The following SCN8A variants were observed in gnomAD, a reference collection of about 807,000 sequenced individuals.
SCN8A encodes the protein sodium channel protein type 8 subunit alpha.
A neutral mutation model predicts 184.1 loss-of-function variants in SCN8A; 30 were observed. The ratio of observed to expected loss-of-function variants is 0.16; its 90% confidence interval spans 0.12 to 0.22. SCN8A has a LOEUF of 0.22. Ranked by LOEUF, SCN8A falls within the 10% of genes least tolerant of loss-of-function variation. The probability of loss-of-function intolerance (pLI) is 1.00; values close to 1 mark genes in which losing one functional copy is unlikely to be tolerated. For missense variants in SCN8A, 1,057 were observed against 2,498.9 expected (o/e 0.42, Z 12.30); for synonymous variants, 852 against 907.0 (o/e 0.94, Z 1.09).
intron 1 of SCN8A, among the ~76,000 whole-genome samples, chr12:51,642,339 A>G (rs1236951089): frequency 2.0e-5 from 3 of 152,242 alleles, no homozygotes; most frequent in Admixed American, 6.5e-5. Context: ...AGCTGGATCT[A>G]GCAATATTTG....
At chr12:51,755,873 T>C (rs1942665741) in intron 14 of SCN8A, among the ~76,000 whole-genome samples, 2 of 152,180 alleles carry the variant, frequency 1.3e-5, no homozygotes, top group African/African-American at 4.8e-5. Flanking sequence ...ATCTTTGGTA[T>C]ACTTATTTGA....
chr12:51,688,571 A>T (rs1303729277), intron 5 of SCN8A, among the ~76,000 whole-genome samples: 1 of 152,180 alleles, frequency 6.6e-6, no homozygotes, highest in Non-Finnish European at 1.5e-5. Context: ...CCTCCTTTCT[A>T]ATATACTTTT....
chr12:51,653,251 C>T (rs538069207), intron 1 of SCN8A, among the ~76,000 whole-genome samples: 4 of 152,192 alleles, frequency 2.6e-5, no homozygotes, highest in East Asian at 3.9e-4. Flanking sequence ...ACCTGGGAGG[C>T]GGAGGTTGCA....
chr12:51,718,165 T>C (rs1016931765), intron 11 of SCN8A, among the ~76,000 whole-genome samples: 4 of 152,186 alleles, frequency 2.6e-5, no homozygotes, highest in Non-Finnish European at 5.9e-5. Context: ...AGGAGCCCCA[T>C]AGCCCTTCCA....
In SCN8A at chr12:51,789,295, T is replaced by C; in HGVS notation, c.4296T>C (p.Pro1432=). The change falls in exon 24 of 27, where the codon CCT becomes CCC. Residue 1432 remains proline, a synonymous_variant. Transcript: ENST00000627620. ...TCCTTTGACAGCCTGATGAGCAGCC[T>C]AAGTATGAGGACAATATCTACATGT... is the stretch of plus-strand genomic sequence containing the variant. The part of the protein sequence containing the change: ...AVDSRKPDEQ[P]KYEDNIYMYI... 6.2e-7 allele frequency: 1 copy of C among 1,614,008 alleles called. No individual in the cohort carries two copies. The highest frequency in any genetic ancestry group is 8.5e-7 in the Non-Finnish European group (1 of 1,179,872).
In SCN8A at chr12:51,631,865, A is replaced by G. The variant is rs1592341102; in HGVS notation, c.-54-30899A>G. 3.3e-5 allele frequency among the ~76,000 whole-genome samples: 5 copies of G among 152,308 alleles called. No individual in the cohort carries two copies. In the East Asian group the frequency reaches 5.8e-4, roughly 18 times the overall value. On this transcript the variant is annotated intron_variant, in intron 1 of 26. Coordinates refer to ENST00000627620, the MANE Select transcript of SCN8A (RefSeq NM_001330260.2). ...AGGTGGGAGAGAATTACTATTTTCA[A>G]ATGTTCCTTCCTGAGGTAGCATAGT... is the stretch of plus-strand genomic sequence containing the variant.
chr12:51,712,483 T>G, intron 11 of SCN8A: 1 of 768,966 alleles, frequency 1.3e-6, no homozygotes, highest in Non-Finnish European at 2.4e-6. Flanking sequence ...TGCTACTATA[T>G]CCACCACTTC....
chr12:51,608,337 G>C (rs1372612185), intron 1 of SCN8A, among the ~76,000 whole-genome samples: 1 of 151,916 alleles, frequency 6.6e-6, no homozygotes, highest in East Asian at 1.9e-4. Flanking sequence ...TCAATGTCTG[G>C]TAGAATTCTG....
At chr12:51,641,778 A>G (rs1217707306) in intron 1 of SCN8A, among the ~76,000 whole-genome samples, 1 of 152,196 alleles carries the variant, frequency 6.6e-6, no homozygotes, top group Non-Finnish European at 1.5e-5. Context: ...ATTCCAGCCC[A>G]CACCCTCGCC....
At chr12:51,652,284 C>G (rs531115873) in intron 1 of SCN8A, among the ~76,000 whole-genome samples, 1 of 152,240 alleles carries the variant, frequency 6.6e-6, no homozygotes, top group South Asian at 2.1e-4. Flanking sequence ...ACAAAACTGT[C>G]CAGTACATCA....
intron 2 of SCN8A, among the ~76,000 whole-genome samples, chr12:51,675,320 G>A (rs994261075): frequency 6.6e-6 from 1 of 152,206 alleles, no homozygotes; most frequent in Non-Finnish European, 1.5e-5. Context: ...TCCAAATGTA[G>A]GTTGGAGAGC....
intron 14 of SCN8A, among the ~76,000 whole-genome samples, chr12:51,755,078 G>T (rs987602214): frequency 1.3e-5 from 2 of 148,532 alleles, no homozygotes; most frequent in African/African-American, 2.6e-5. Flanking sequence ...TTTACCATAG[G>T]CCAGTTGATA....
At chr12:51,736,752 T>C (rs949514420) in intron 12 of SCN8A, among the ~76,000 whole-genome samples, 3 of 152,232 alleles carry the variant, frequency 2.0e-5, no homozygotes, top group African/African-American at 7.2e-5. Flanking sequence ...CTGTATGAAA[T>C]CGTAACTGAG....
chr12:51,756,042 G>C (rs1942668792), intron 14 of SCN8A, among the ~76,000 whole-genome samples: 1 of 151,904 alleles, frequency 6.6e-6, no homozygotes, highest in Admixed American at 6.6e-5. Context: ...CTCACACATG[G>C]TTTGCCCCAC....
intron 2 of SCN8A, among the ~76,000 whole-genome samples, chr12:51,671,665 G>A (rs1446886103): frequency 6.6e-6 from 1 of 152,192 alleles, no homozygotes; most frequent in Non-Finnish European, 1.5e-5. Context: ...CATATTTTAA[G>A]TGCTTTCTTA....
rs980639860 is a variant in SCN8A at position 51,788,500 on chromosome 12, TTTG to T, written c.4228-189_4228-187del. The T allele has an allele frequency of 9.3e-5, 36 of 387,116 alleles. No individual in the cohort carries two copies. In the Middle Eastern group the frequency reaches 1.1e-3, roughly 11 times the overall value. 24.0% of individuals were successfully genotyped at this position (387,116 alleles called of 1,614,324 possible). On this transcript the variant is annotated intron_variant, in intron 22 of 26. Transcript: ENST00000627620. ...TTTTCAACATGTTTATTTGCCAAAC[TTTG>T]TTGTTATTTTCAGGAACAAAGCCCT...
chr12:51,756,485 G>A (rs1326241727), intron 14 of SCN8A, among the ~76,000 whole-genome samples: 1 of 152,174 alleles, frequency 6.6e-6, no homozygotes, highest in Non-Finnish European at 1.5e-5. Flanking sequence ...TCCTGGAGAT[G>A]CTATCTTTAC....
chr12:51,722,059 A>C (rs1592406639), intron 12 of SCN8A, 151 bp downstream of exon 12: 17 of 1,217,556 alleles, frequency 1.4e-5, no homozygotes, highest in East Asian at 2.5e-5. Flanking sequence ...TCCTGTTAAC[A>C]CCCCAGCCAT....
chr12:51,650,236 C>T (rs563675846), intron 1 of SCN8A, among the ~76,000 whole-genome samples: 1 of 152,272 alleles, frequency 6.6e-6, no homozygotes, highest in South Asian at 2.1e-4. Flanking sequence ...CTCTAGGAAG[C>T]TCCAAACTTT....
Sources: gnomAD v4.1 joint callset for allele counts (sites outside exome capture counted in the v4.1 genomes callset) on GRCh38, gnomAD v4.1.1 for gene constraint, MANE v1.5 for transcripts, NCBI Gene and HGNC (gene_info 2026-07-23, HGNC 2026-07-21) for gene names.